Variants in SLC17A9 observed in about 807,000 individuals in gnomAD.
SLC17A9 encodes the protein voltage-gated purine nucleotide uniporter SLC17A9.
A neutral mutation model predicts 55.0 loss-of-function variants in SLC17A9; 49 were observed. That is an observed-to-expected ratio of 0.89 (90% CI 0.71 to 1.13). SLC17A9 has a LOEUF of 1.13. Among genes scored for constraint, SLC17A9 ranks in the 50% most tolerant of loss-of-function variants. The pLI is 0.00. For missense variants in SLC17A9, 526 were observed against 569.3 expected (o/e 0.92, Z 0.77); for synonymous variants, 256 against 247.4 (o/e 1.03, Z -0.32).
intron 1 of SLC17A9, among the ~76,000 whole-genome samples, chr20:62,954,412 A>G (rs1400306919): frequency 6.6e-6 from 1 of 152,220 alleles, no homozygotes; most frequent in Admixed American, 6.5e-5. Flanking sequence ...TGGAGGGGCC[A>G]TGTGACCACC....
chr20:62,957,550 T>C lies in SLC17A9; in HGVS notation c.367T>C (p.Phe123Leu). The C allele has an allele frequency of 6.3e-7, 1 of 1,591,212 alleles. No individual in the cohort carries two copies. Among genetic ancestry groups the C allele is most frequent in the Non-Finnish European group, 8.5e-7 (1 of 1,170,310 alleles). Residue 123 changes from phenylalanine to leucine, a missense_variant, in exon 3 of 13, where the codon TTC (phenylalanine) becomes CTC (leucine). By Grantham distance (22) the Phe-to-Leu change is conservative (BLOSUM62 0). Coordinates refer to ENST00000370351, the MANE Select transcript of SLC17A9 (RefSeq NM_022082.4). The part of the protein sequence containing the change: ...LSSAHLAFMT[F>L]SRILMGLLQG... ...CAGTGCCCACCTGGCCTTCATGACC[T>C]TCTCACGCATCCTCATGGGCTTGCT...
At position 62,962,564 on chromosome 20, in the gene SLC17A9, C is replaced by T. The variant is rs984207803; in HGVS notation, c.498-60C>T. 27 of 1,582,152 alleles carry T rather than the reference C, an allele frequency of 1.7e-5. No homozygotes were observed. In the East Asian group the frequency reaches 5.4e-4, roughly 32 times the overall value. On this transcript the variant is annotated intron_variant, in intron 4 of 12. Coordinates refer to ENST00000370351, the MANE Select transcript of SLC17A9 (RefSeq NM_022082.4). This position sits in a 1 kb window ranked among gnomAD's most constrained non-coding sequence, Gnocchi z 5.5. ...GCACCAGGGTGGGGTTTCTGAGAGG[C>T]CCCTCCTCACCCGAGGGGTGCCGCT... is the stretch of plus-strand genomic sequence containing the variant.
chr20:62,953,268 G>T (rs1432307468), intron 1 of SLC17A9: 1 of 1,549,906 alleles, frequency 6.5e-7, no homozygotes. Flanking sequence ...CAGTCAGGAG[G>T]CCAGGTAGGG....
chr20:62,952,938 C>T (rs1454174620), intron 1 of SLC17A9, 49 bp downstream of exon 1: 18 of 1,423,392 alleles, frequency 1.3e-5, no homozygotes, highest in Admixed American at 2.2e-5. Context: ...GAGATGGGGC[C>T]GTGGGGAGGG....
In SLC17A9 at chr20:62,956,302, A is replaced by C. The variant is rs145128916; in HGVS notation, c.60-463A>C. Among the ~76,000 whole-genome samples the C allele has an allele frequency of 1.4e-4, 21 of 151,874 alleles. No homozygotes were observed. In the East Asian group the frequency reaches 4.1e-3, roughly 29 times the overall value. On this transcript the variant is annotated intron_variant, in intron 1 of 12. Transcript: ENST00000370351. Reference sequence around the variant, plus strand: ...GTCCACAGCACACCGTCATCCACTCACTCATCTGGGGCAGGTTCTTGGGAG... The same window carrying C: ...GTCCACAGCACACCGTCATCCACTCCCTCATCTGGGGCAGGTTCTTGGGAG...
chr20:62,965,684 C>T lies in SLC17A9; in HGVS notation c.1020C>T (p.Val340=). ...CCTCCAGCTTCTGTGAGTCTGTGGT[C>T]TTTGCATCAGCCTCCATCGGCCTCC... The part of the protein sequence containing the change: ...GHTSSFCESV[V]FASASIGLQT... The change falls in exon 10 of 13, where the codon GTC becomes GTT. Residue 340 remains valine, a synonymous_variant. Coordinates refer to ENST00000370351, the MANE Select transcript of SLC17A9 (RefSeq NM_022082.4). 6.2e-7 allele frequency: 1 copy of T among 1,614,012 alleles called. No individual in the cohort carries two copies. The highest frequency in any genetic ancestry group is 1.3e-5 in the African/African-American group (1 of 75,064).
intron 3 of SLC17A9, among the ~76,000 whole-genome samples, chr20:62,957,817 G>GTA (rs10690602): frequency 0.4 from 44,781 of 113,330 alleles, 11,811 homozygotes; most frequent in East Asian, 0.71. Context: ...AAGTGTGTGT[G>GTA]TATGGGCATG....
In SLC17A9 at chr20:62,965,130, A is replaced by C. The variant is rs1380043614; in HGVS notation, c.911-2A>C. Reference sequence around the variant, plus strand: ...AGCCCCTTCCTTGGCCTCCCCCTGTAGGTTACAGAGCCATCACGGTGCGGA... The same window carrying C: ...AGCCCCTTCCTTGGCCTCCCCCTGTCGGTTACAGAGCCATCACGGTGCGGA... On this transcript the variant is annotated splice_acceptor_variant, in intron 8 of 12. Transcript: ENST00000370351. LOFTEE classifies it high-confidence loss of function. The C allele has an allele frequency of 1.2e-6, 2 of 1,614,048 alleles. No individual in the cohort carries two copies. The highest frequency in any genetic ancestry group is 8.5e-7 in the Non-Finnish European group (1 of 1,180,014).
rs777686215 is a variant in SLC17A9 at position 62,964,228 on chromosome 20, G to A, written c.823G>A (p.Gly275Ser). The change falls in exon 8 of 13, where the codon GGC (glycine) becomes AGC (serine). Residue 275 changes from glycine (G) to serine (S), a missense_variant and splice_region_variant. Coordinates refer to ENST00000370351, the MANE Select transcript of SLC17A9 (RefSeq NM_022082.4). ...TCTAAGGCCAAACTCCCCCCTGCAG[G>A]GCTGGATCTTCAACGTGGTTCCTTG... ...FFEETFPDAK[G>S]WIFNVVPWLV... The A allele has an allele frequency of 1.2e-6, 2 of 1,614,178 alleles. No individual in the cohort carries two copies. The highest frequency in any genetic ancestry group is 1.7e-6 in the Non-Finnish European group (2 of 1,180,018).
chr20:62,964,427 G>A, intron 8 of SLC17A9, 112 bp downstream of exon 8: 1 of 1,071,108 alleles, frequency 9.3e-7, no homozygotes, highest in South Asian at 1.3e-5. Context: ...GGAGAGCTGG[G>A]ACAGAGGGGC....
At chr20:62,955,139 C>CT (rs1203689353) in intron 1 of SLC17A9, among the ~76,000 whole-genome samples, 83 of 145,900 alleles carry the variant, frequency 5.7e-4, no homozygotes, top group Admixed American at 1.2e-3. Context: ...GTTTTTTTTT[C>CT]TTTTTTTTTT....
intron 8 of SLC17A9, 47 bp downstream of exon 8, chr20:62,964,362 A>T (rs565672432): frequency 1.9e-6 from 3 of 1,594,276 alleles, no homozygotes; most frequent in African/African-American, 2.7e-5. Flanking sequence ...ACCCTGGTTC[A>T]CCTCGCTTTC....
At chr20:62,960,961 AGTCTGTGAGCGCAGGAGC>A (rs1437538515) in intron 4 of SLC17A9, among the ~76,000 whole-genome samples, 3 of 152,290 alleles carry the variant, frequency 2.0e-5, no homozygotes, top group South Asian at 4.1e-4. Flanking sequence ...TCGACAGGAG[AGTCTGTGAGCGCAGGAGC>A]GTCTGGGCCA....
Position 62,962,504 on chromosome 20 carries a change from C to A in SLC17A9, c.498-120C>A. 7.6e-7 allele frequency: 1 copy of A among 1,312,236 alleles called. No homozygotes were observed. Among genetic ancestry groups the A allele is most frequent in the East Asian group, 2.5e-5 (1 of 40,688 alleles). 81.3% of individuals were successfully genotyped at this position (1,312,236 alleles called of 1,614,324 possible). A position where few individuals can be genotyped will look rare whatever the true frequency, so the allele number is the denominator to read the frequency against. On this transcript the variant is annotated intron_variant, in intron 4 of 12. Transcript: ENST00000370351. This position sits in a 1 kb window ranked among gnomAD's most constrained non-coding sequence, Gnocchi z 5.5. ...GGCTTCTGAGCTGCTCCTCTGGAGGCGATGAAAACACCCTCTTCTCCAGGG... is the reference window on the plus strand; with the variant it reads ...GGCTTCTGAGCTGCTCCTCTGGAGGAGATGAAAACACCCTCTTCTCCAGGG...
intron 4 of SLC17A9, among the ~76,000 whole-genome samples, chr20:62,960,849 G>A (rs904314351): frequency 6.6e-6 from 1 of 152,282 alleles, no homozygotes; most frequent in Non-Finnish European, 1.5e-5. Context: ...ATGAGGCTGG[G>A]ACTTGGGGAC....
Position 62,958,602 on chromosome 20 carries a change from A to C in SLC17A9, c.397+1022A>C, listed in dbSNP as rs2065562698. On this transcript the variant is annotated intron_variant, in intron 3 of 12. Coordinates refer to ENST00000370351, the MANE Select transcript of SLC17A9 (RefSeq NM_022082.4). This position sits in a 1 kb window ranked among gnomAD's most constrained non-coding sequence, Gnocchi z 4.1. ...GTGTCCTGGGCCATCCAGACCCCCC[A>C]CTCAGGACTCCCCCTACCTTCCTGA... Among the ~76,000 whole-genome samples, 1 of 148,494 alleles carries C rather than the reference A, an allele frequency of 6.7e-6. No individual in the cohort carries two copies. The highest frequency in any genetic ancestry group is 2.2e-4 in the South Asian group (1 of 4,606).
In SLC17A9 at chr20:62,962,749, A is replaced by G; in HGVS notation, c.623A>G (p.Glu208Gly). 6.2e-7 allele frequency: 1 copy of G among 1,612,296 alleles called. No homozygotes were observed. The highest frequency in any genetic ancestry group is 1.1e-5 in the South Asian group (1 of 90,998). ...TACGTGTACAGGTACCTGCTGAGTG[A>G]AAAAGGTAACGCAGGCCGGGCGGGC... ...VWYVYRYLLS[E>G]KDLILALGVL... Residue 208 changes from glutamate (E) to glycine (G), a missense_variant, in exon 5 of 13, where the codon GAA becomes GGA. Physicochemically the swap from Glu to Gly is moderately conservative, Grantham distance 98. Transcript: ENST00000370351. This position sits in a 1 kb window ranked among gnomAD's most constrained non-coding sequence, Gnocchi z 5.5.
intron 1 of SLC17A9, chr20:62,953,173 C>T: frequency 6.5e-7 from 1 of 1,544,008 alleles, no homozygotes; most frequent in South Asian, 1.2e-5. Context: ...AGGCCAGGGG[C>T]ATTGTCCTGG....
In SLC17A9 at chr20:62,956,888, G is replaced by T. The variant is rs1389175091; in HGVS notation, c.183G>T (p.Glu61Asp). 32 of 1,613,510 alleles carry T rather than the reference G, an allele frequency of 2.0e-5. No homozygotes were observed. The highest frequency in any genetic ancestry group is 2.6e-5 in the Non-Finnish European group (31 of 1,180,030). The change falls in exon 2 of 13, where the codon GAG (glutamate) becomes GAT (aspartate). Residue 61 changes from glutamate (E) to aspartate (D), a missense_variant. Transcript: ENST00000370351. ...AGGACTTCGGCTGGAACAAGAAGGA[G>T]GCCGGCATCGTGCTCAGCAGCTTCT... ...MSQDFGWNKK[E>D]AGIVLSSFFW...
Sources: allele counts gnomAD v4.1 joint callset (sites outside exome capture counted in the v4.1 genomes callset), GRCh38; gene constraint gnomAD v4.1.1; non-coding constraint Gnocchi (gnomAD v3.1); transcripts MANE v1.5; gene names NCBI Gene and HGNC (gene_info 2026-07-23, HGNC 2026-07-21).